The following TAS2R1 variants were observed in gnomAD, a reference collection of about 807,000 sequenced individuals.
TAS2R1 encodes the protein taste receptor type 2 member 1.
For missense variants in TAS2R1, 370 were observed against 353.4 expected, an observed-to-expected ratio of 1.05 and a Z score of -0.38; for synonymous variants, 141 against 134.2, an observed-to-expected ratio of 1.05 and a Z score of -0.35.
chr5:9,895,628 T>C, the TAS2R1 span, among the ~76,000 whole-genome samples: 10 of 152,330 alleles, frequency 6.6e-5, no homozygotes, highest in East Asian at 1.7e-3. Context: ...ACAATAACCA[T>C]CAGAGATCTG....
At chr5:9,867,488 A>C in the TAS2R1 span, among the ~76,000 whole-genome samples, 2 of 152,200 alleles carry the variant, frequency 1.3e-5, no homozygotes, top group Non-Finnish European at 2.9e-5. Context: ...AGATCTCATG[A>C]GACTTATTCA....
intron 1 of TAS2R1, among the ~76,000 whole-genome samples, chr5:9,692,675 T>A (rs902111780): frequency 6.6e-6 from 1 of 152,288 alleles, no homozygotes; most frequent in African/African-American, 2.4e-5. Flanking sequence ...CTTCATGACA[T>A]AATGAGAAGA....
the TAS2R1 span, among the ~76,000 whole-genome samples, chr5:9,772,484 T>C: frequency 2.0e-5 from 3 of 152,254 alleles, no homozygotes; most frequent in East Asian, 5.8e-4. Flanking sequence ...TCTGCAGCTG[T>C]TGGATAAAAT....
At chr5:9,641,385 A>G (rs1363318825) in intron 2 of TAS2R1, 3 of 152,234 alleles carry the variant, frequency 2.0e-5, no homozygotes, top group Non-Finnish European at 4.4e-5. Context: ...GTAAAAATTC[A>G]TAAGGCTTGT....
At chr5:9,852,724 G>A in the TAS2R1 span, among the ~76,000 whole-genome samples, 1 of 152,174 alleles carries the variant, frequency 6.6e-6, no homozygotes, top group African/African-American at 2.4e-5. Flanking sequence ...ATGAGGATAC[G>A]TGGGTTCATT....
At chr5:9,805,150 CA>C in the TAS2R1 span, among the ~76,000 whole-genome samples, 11 of 151,750 alleles carry the variant, frequency 7.2e-5, no homozygotes, top group African/African-American at 2.4e-4. Context: ...CTAGAGGAGA[CA>C]GATAAATTCC....
the TAS2R1 span, among the ~76,000 whole-genome samples, chr5:9,797,308 G>GC: frequency 6.6e-6 from 1 of 152,142 alleles, no homozygotes; most frequent in Non-Finnish European, 1.5e-5. Context: ...GCACAGGATA[G>GC]CCCCCCAACA....
At chr5:9,891,877 C>A in the TAS2R1 span, among the ~76,000 whole-genome samples, 1 of 152,208 alleles carries the variant, frequency 6.6e-6, no homozygotes. Context: ...TCATACTTGA[C>A]CCCTTCTGCA....
the TAS2R1 span, among the ~76,000 whole-genome samples, chr5:9,821,042 T>C: frequency 6.6e-6 from 1 of 151,676 alleles, no homozygotes; most frequent in Non-Finnish European, 1.5e-5. Context: ...ATCTCAGGAG[T>C]AAAACTTTAT....
chr5:9,797,410 C>T, the TAS2R1 span, among the ~76,000 whole-genome samples: 2 of 152,074 alleles, frequency 1.3e-5, no homozygotes, highest in Admixed American at 6.5e-5. Flanking sequence ...CAAGGCAGCC[C>T]GAAGTTTGCA....
the TAS2R1 span, among the ~76,000 whole-genome samples, chr5:9,829,950 C>T: frequency 2.6e-5 from 4 of 152,170 alleles, no homozygotes; most frequent in Non-Finnish European, 4.4e-5. Flanking sequence ...CTAAGAATAC[C>T]TCAGGACCCT....
chr5:9,823,577 G>C, the TAS2R1 span, among the ~76,000 whole-genome samples: 1 of 136,870 alleles, frequency 7.3e-6, no homozygotes, highest in East Asian at 2.4e-4. Context: ...GGGGGAAAGA[G>C]GAAGGGAAAA....
chr5:9,699,882 G>C (rs1741441638), intron 1 of TAS2R1, among the ~76,000 whole-genome samples: 1 of 152,062 alleles, frequency 6.6e-6, no homozygotes, highest in Non-Finnish European at 1.5e-5. Flanking sequence ...TCAACATAAA[G>C]TTAGCGGACT....
At chr5:9,776,124 T>C in the TAS2R1 span, among the ~76,000 whole-genome samples, 1 of 152,248 alleles carries the variant, frequency 6.6e-6, no homozygotes, top group Non-Finnish European at 1.5e-5. Flanking sequence ...TTCTCACCAC[T>C]GGGATAGGTG....
At chr5:9,833,321 G>A in the TAS2R1 span, among the ~76,000 whole-genome samples, 3 of 152,186 alleles carry the variant, frequency 2.0e-5, no homozygotes, top group African/African-American at 7.2e-5. Context: ...GCAGGTTTCT[G>A]ACACAGTTCC....
chr5:9,653,998 C>T (rs1004941861), intron 2 of TAS2R1, among the ~76,000 whole-genome samples: 2 of 151,968 alleles, frequency 1.3e-5, no homozygotes, highest in African/African-American at 2.4e-5. Context: ...GAAGTCAGGC[C>T]GAGGGCTGAG....
At chr5:9,744,744 A>G in the TAS2R1 span, among the ~76,000 whole-genome samples, 1 of 152,206 alleles carries the variant, frequency 6.6e-6, no homozygotes, top group Non-Finnish European at 1.5e-5. Context: ...AAGCAAAAAC[A>G]AAGCACAAAG....
Position 9,628,866 on chromosome 5 carries a change from A to G in TAS2R1, c.*267T>C, listed in dbSNP as rs933561649. 2.8e-5 allele frequency: 9 copies of G among 317,506 alleles called. No individual in the cohort carries two copies. Among genetic ancestry groups the G allele is most frequent in the South Asian group, 2.9e-4 (2 of 6,994 alleles). The allele number at this position is 317,506 out of a possible 1,614,324, so 19.7% of individuals were successfully genotyped here. On this transcript the variant is annotated 3_prime_UTR_variant, in exon 1 of 1. Coordinates refer to ENST00000382492, the MANE Select transcript of TAS2R1 (RefSeq NM_019599.3). ...CTGAACCATTTACTCAGTTTTCCCA[A>G]TGGTAACAACTTGCACGATGATAGT...
At chr5:9,676,342 G>A (rs1297038570) in intron 1 of TAS2R1, among the ~76,000 whole-genome samples, 1 of 151,662 alleles carries the variant, frequency 6.6e-6, no homozygotes. Context: ...CTGGAGAACT[G>A]ACTGACTTCA....
Sources: allele counts gnomAD v4.1 joint callset (sites outside exome capture counted in the v4.1 genomes callset), GRCh38; gene constraint gnomAD v4.1.1; transcripts MANE v1.5; gene names NCBI Gene and HGNC (gene_info 2026-07-23, HGNC 2026-07-21).